MBTD1: variants seen among roughly 807,000 people sequenced by gnomAD.
MBTD1 encodes the protein mbt domain containing 1, also known as MBT domain-containing protein 1.
In MBTD1, 24 loss-of-function variants were observed where a neutral mutation model predicts 87.8. The ratio of observed to expected loss-of-function variants is 0.27; its 90% CI spans 0.20 to 0.38. The LOEUF (loss-of-function observed/expected upper bound fraction) is 0.38. MBTD1 is among the 10% of genes least tolerant of loss of function. The pLI, the probability that MBTD1 is intolerant of heterozygous loss-of-function variation, is 1.00. For missense variants in MBTD1, 436 were observed against 760.2 expected, an observed-to-expected ratio of 0.57 and a Z score of 5.02; for synonymous variants, 237 against 248.6, an observed-to-expected ratio of 0.95 and a Z score of 0.44.
In MBTD1 at chr17:51,180,636, T is replaced by C; in HGVS notation, c.1827A>G (p.Gln609=). The C allele has an allele frequency of 6.4e-7, 1 of 1,551,696 alleles. No homozygotes were observed. Among genetic ancestry groups the C allele is most frequent in the Non-Finnish European group, 8.7e-7 (1 of 1,146,784 alleles). ...LLDGEDYNFL[Q]GASDQESNGS... ...CATTGCTTTCCTGATCAGACGCTCCTTGAAGGAAATTATAATCCTCTCCAT... is the reference window on the plus strand; with the variant it reads ...CATTGCTTTCCTGATCAGACGCTCCCTGAAGGAAATTATAATCCTCTCCAT... The change falls in exon 17 of 17, where the codon CAA becomes CAG. Residue 609 remains glutamine (Q), a synonymous_variant. Coordinates refer to ENST00000586178, the MANE Select transcript of MBTD1 (RefSeq NM_017643.3).
intron 2 of MBTD1, among the ~76,000 whole-genome samples, chr17:51,233,128 A>G (rs2053636816): frequency 6.6e-6 from 1 of 151,726 alleles, no homozygotes; most frequent in South Asian, 2.1e-4. Context: ...ATAAAACTAT[A>G]ATGTAAATTA....
In MBTD1 at chr17:51,203,973, T is replaced by C. The variant is rs750937744; in HGVS notation, c.605-48A>G. 8 of 1,448,628 alleles carry C rather than the reference T, an allele frequency of 5.5e-6. No homozygotes were observed. The Admixed American group carries it at 8.4e-5, about 15-fold the overall frequency. The allele number at this position is 1,448,628 out of a possible 1,614,324, so 89.7% of individuals were successfully genotyped here. A position where few individuals can be genotyped will look rare whatever the true frequency, so the allele number is the denominator to read the frequency against. On this transcript the variant is annotated intron_variant, in intron 7 of 16. Coordinates refer to ENST00000586178, the MANE Select transcript of MBTD1 (RefSeq NM_017643.3). ...TACATAATAAGAAAATAAAATTAAA[T>C]AAAACAATACAGCATCTGATAGCAG... is the stretch of plus-strand genomic sequence containing the variant.
intron 2 of MBTD1, among the ~76,000 whole-genome samples, chr17:51,239,366 GT>G (rs1197456480): frequency 6.6e-6 from 1 of 151,974 alleles, no homozygotes; most frequent in Non-Finnish European, 1.5e-5. Flanking sequence ...ATGGTTATAG[GT>G]TTTTACCATA....
chr17:51,243,290 C>CT lies in MBTD1; in HGVS notation c.-49+15852dup, dbSNP rs112156225. ...GGTATGCCAGTATAGTTGTCACTGT[C>CT]TTTTTTTTTTTTTTAAGCTCTCTAT... On this transcript the variant is annotated intron_variant, in intron 2 of 16. Coordinates refer to ENST00000586178, the MANE Select transcript of MBTD1 (RefSeq NM_017643.3). Among the ~76,000 whole-genome samples, 459 of 145,580 alleles carry CT rather than the reference C, an allele frequency of 3.2e-3. 2 individuals carry two copies. The highest frequency in any genetic ancestry group is 9.6e-3 in the African/African-American group (377 of 39,210).
chr17:51,226,005 C>T (rs1054624110), intron 2 of MBTD1, among the ~76,000 whole-genome samples: 19 of 150,928 alleles, frequency 1.3e-4, no homozygotes, highest in Admixed American at 2.6e-4. Flanking sequence ...TCTCAAACTC[C>T]TGAACTCAGG....
At chr17:51,253,018 A>G (rs1438808127) in intron 2 of MBTD1, among the ~76,000 whole-genome samples, 1 of 151,966 alleles carries the variant, frequency 6.6e-6, no homozygotes, top group African/African-American at 2.4e-5. Context: ...TGGGACAAGG[A>G]CCATTTTTTT....
intron 3 of MBTD1, among the ~76,000 whole-genome samples, chr17:51,221,859 A>T (rs1175628303): frequency 6.6e-6 from 1 of 152,224 alleles, no homozygotes; most frequent in African/African-American, 2.4e-5. Flanking sequence ...TTGGTATCTG[A>T]GGGAAATCTT....
intron 14 of MBTD1, 128 bp downstream of exon 14, chr17:51,193,300 C>T (rs796967097): frequency 2.0e-5 from 13 of 650,874 alleles, no homozygotes; most frequent in African/African-American, 1.5e-4. Context: ...TGTTTCATTG[C>T]TATATTTGTT....
intron 2 of MBTD1, among the ~76,000 whole-genome samples, chr17:51,233,424 A>T (rs2053653467): frequency 6.6e-6 from 1 of 152,214 alleles, no homozygotes; most frequent in Admixed American, 6.5e-5. Context: ...GAGATGTAAG[A>T]ATAGGATACT....
At chr17:51,204,961 G>T (rs780638708) in intron 7 of MBTD1, among the ~76,000 whole-genome samples, 2 of 152,260 alleles carry the variant, frequency 1.3e-5, no homozygotes, top group East Asian at 3.9e-4. Context: ...TAAACACAAA[G>T]AAAATTATGT....
chr17:51,189,389 T>C (rs114545685), intron 16 of MBTD1, among the ~76,000 whole-genome samples: 166 of 152,320 alleles, frequency 1.1e-3, no homozygotes, highest in African/African-American at 3.2e-3. Flanking sequence ...TGAAACATTA[T>C]AGTTAAGGAA....
intron 2 of MBTD1, among the ~76,000 whole-genome samples, chr17:51,231,260 T>C (rs975722512): frequency 1.3e-5 from 2 of 152,150 alleles, no homozygotes; most frequent in South Asian, 4.1e-4. Context: ...ATAGTTTTCA[T>C]ATAGGCTTGT....
intron 12 of MBTD1, among the ~76,000 whole-genome samples, chr17:51,198,516 A>G (rs1186337788): frequency 6.6e-6 from 1 of 152,192 alleles, no homozygotes; most frequent in Non-Finnish European, 1.5e-5. Flanking sequence ...CCCCACTTAC[A>G]TGGGATTCCT....
In MBTD1 at chr17:51,236,772, G is replaced by GA. The variant is rs34703362; in HGVS notation, c.-48-11564dup. 5.2e-3 allele frequency among the ~76,000 whole-genome samples: 779 copies of GA among 150,754 alleles called. 31 individuals are homozygous for GA. The highest frequency in any genetic ancestry group is 0.037 in the Admixed American group (553 of 15,116). ...AAAGCTGAAAAGGCAATTTAGTGGA[G>GA]AAAAAAAAAATAGTCTTTGAACGAA... On this transcript the variant is annotated intron_variant, in intron 2 of 16. Transcript: ENST00000586178.
chr17:51,192,891 A>G lies in MBTD1; in HGVS notation c.1581T>C (p.Asp527=), dbSNP rs1217814377. ...IIHRLLRIHF[D]GWEEEYDQWV... ...ACTGATCATACTCTTCTTCCCATCC[A>G]TCAAAATGTATCCTCAAGAGACGAT... Residue 527 remains aspartate, a synonymous_variant, in exon 15 of 17, where the codon GAT becomes GAC. Transcript: ENST00000586178. The G allele has an allele frequency of 5.0e-6, 8 of 1,614,192 alleles. No individual in the cohort carries two copies. The highest frequency in any genetic ancestry group is 1.7e-5 in the Admixed American group (1 of 60,018).
chr17:51,192,312 A>C, intron 15 of MBTD1, 32 bp from the exon 16 acceptor site: 1 of 1,433,594 alleles, frequency 7.0e-7, no homozygotes, highest in Non-Finnish European at 9.6e-7. Flanking sequence ...TTGGTACTAG[A>C]TAATTGTTTA....
intron 2 of MBTD1, among the ~76,000 whole-genome samples, chr17:51,233,990 A>C (rs1197245477): frequency 6.6e-6 from 1 of 152,158 alleles, no homozygotes; most frequent in Non-Finnish European, 1.5e-5. Context: ...AAGGAAAAAA[A>C]AAGAAAACAA....
At chr17:51,209,329 C>G in intron 6 of MBTD1, 1 of 470,516 alleles carries the variant, frequency 2.1e-6, no homozygotes, top group South Asian at 1.5e-5. Context: ...AGACTCAGGA[C>G]GCGAGGTCCA....
intron 2 of MBTD1, among the ~76,000 whole-genome samples, chr17:51,258,661 C>A (rs2055242152): frequency 6.6e-6 from 1 of 152,134 alleles, no homozygotes; most frequent in African/African-American, 2.4e-5. Flanking sequence ...TTTAGACATC[C>A]TTAGAAGTGA....
Sources: gnomAD v4.1 joint callset for allele counts (sites outside exome capture counted in the v4.1 genomes callset) on GRCh38, gnomAD v4.1.1 for gene constraint, MANE v1.5 for transcripts, NCBI Gene and HGNC (gene_info 2026-07-23, HGNC 2026-07-21) for gene names.